The following COL4A3 variants were observed in gnomAD, a reference collection of about 807,000 sequenced individuals.
The protein encoded by COL4A3 is collagen type IV alpha 3 chain.
A neutral mutation model predicts 217.4 loss-of-function variants in COL4A3; 135 were observed. The observed-to-expected ratio is 0.62, with a 90% CI of 0.54 to 0.72. COL4A3 has a LOEUF of 0.72. COL4A3 is among the 30% of genes least tolerant of loss of function. The pLI, the probability that COL4A3 is intolerant of heterozygous loss-of-function variation, is 0.00. For synonymous variants in COL4A3, 690 were observed against 736.3 expected (o/e 0.94, Z 1.02); for missense variants, 1,868 against 2,119.9 (o/e 0.88, Z 2.33).
chr2:227,170,781 C>A (rs546600374), intron 1 of COL4A3, among the ~76,000 whole-genome samples: 169 of 152,210 alleles, frequency 1.1e-3, no homozygotes, highest in African/African-American at 4.0e-3. Flanking sequence ...ATGATTTTTT[C>A]TGTAGAGTTT....
Position 227,259,850 on chromosome 2 carries a change from G to A in COL4A3, c.1087G>A (p.Gly363Arg), listed in dbSNP as rs1559875465. Residue 363 changes from glycine (G) to arginine (R), a missense_variant, in exon 19 of 52, where the codon GGG (glycine) becomes AGG (arginine). Physicochemically the swap from Gly to Arg is moderately radical, Grantham distance 125. Coordinates refer to ENST00000396578, the MANE Select transcript of COL4A3 (RefSeq NM_000091.5). ...KGDEGTPGPP[G>R]PRGARGPQGP... is the part of the protein sequence containing the mutation. ...AGATGAAGGCACTCCAGGCCCACCA[G>A]GGCCCAGAGGAGCTCGTGGCCCACA... 6.2e-7 allele frequency: 1 copy of A among 1,613,730 alleles called. No homozygotes were observed. The highest frequency in any genetic ancestry group is 8.5e-7 in the Non-Finnish European group (1 of 1,179,638).
intron 3 of COL4A3, 101 bp downstream of exon 3, chr2:227,240,333 C>A: frequency 1.8e-6 from 2 of 1,130,808 alleles, no homozygotes; most frequent in Non-Finnish European, 2.6e-6. Flanking sequence ...ACATCTTAGC[C>A]AACTGCTAGG....
chr2:227,188,020 A>G (rs1403435425), intron 1 of COL4A3, among the ~76,000 whole-genome samples: 1 of 152,218 alleles, frequency 6.6e-6, no homozygotes, highest in African/African-American at 2.4e-5. Flanking sequence ...ATAACAAACA[A>G]ACAGCAGCCC....
chr2:227,296,939 C>A (rs1225000358), intron 41 of COL4A3, among the ~76,000 whole-genome samples: 1 of 152,182 alleles, frequency 6.6e-6, no homozygotes, highest in Non-Finnish European at 1.5e-5. Flanking sequence ...GATGGGAGAG[C>A]AGAGGGAGAC....
intron 1 of COL4A3, among the ~76,000 whole-genome samples, chr2:227,220,166 TTCA>T (rs2067713265): frequency 8.7e-6 from 1 of 115,040 alleles, no homozygotes; most frequent in South Asian, 3.9e-4. Context: ...GTGTGTGTGT[TTCA>T]GAGACAAAGC....
At chr2:227,280,863 C>T (rs2071913888) in intron 30 of COL4A3, 30 bp from the exon 31 acceptor site, 1 of 1,452,912 alleles carries the variant, frequency 6.9e-7, no homozygotes, top group African/African-American at 1.4e-5. Context: ...GTTCTAGCAC[C>T]TGGGTATATA....
Position 227,280,578 on chromosome 2 carries a change from G to C in COL4A3, c.2362G>C (p.Asp788His), listed in dbSNP as rs2071892075. ...TGGAACTCCAGGAAATGAAGGGCTT[G>C]ATGGACCACGAGGTACAATAGCAAG... ...LPGTPGNEGL[D>H]GPRGDPGQPG... Residue 788 changes from aspartate to histidine, a missense_variant, in exon 30 of 52, where the codon GAT becomes CAT. Physicochemically the swap from Asp to His is moderately conservative, Grantham distance 81. Transcript: ENST00000396578. 6.2e-7 allele frequency: 1 copy of C among 1,614,078 alleles called. No individual in the cohort carries two copies. Among genetic ancestry groups the C allele is most frequent in the Non-Finnish European group, 8.5e-7 (1 of 1,179,978 alleles).
intron 1 of COL4A3, among the ~76,000 whole-genome samples, chr2:227,184,723 CAA>C (rs2065961249): frequency 6.6e-6 from 1 of 151,958 alleles, no homozygotes; most frequent in African/African-American, 2.4e-5. Context: ...TAAAACATAA[CAA>C]AATTTGATTA....
At chr2:227,307,162 GA>G (rs201808831) in intron 47 of COL4A3, among the ~76,000 whole-genome samples, 27 of 149,128 alleles carry the variant, frequency 1.8e-4, no homozygotes, top group African/African-American at 5.9e-4. Context: ...TTATTACAGT[GA>G]AAAAAAAAGC....
intron 1 of COL4A3, among the ~76,000 whole-genome samples, chr2:227,168,982 T>C: frequency 6.6e-6 from 1 of 151,558 alleles, no homozygotes; most frequent in African/African-American, 2.4e-5. Context: ...GCTGGTGTGC[T>C]GCACCCATTA....
rs148002876 is a variant in COL4A3, at chr2:227,304,151, G to A, written c.4153+7G>A. 16 of 1,613,782 alleles carry A rather than the reference G, an allele frequency of 9.9e-6. No individual in the cohort carries two copies. The East Asian group carries it at 3.6e-4, about 36-fold the overall frequency. ...GGGCCACCTGGAAACCTAGGTGTGGGACTGGCAGCATTGACTTGGATCACT... is the reference window on the plus strand; with the variant it reads ...GGGCCACCTGGAAACCTAGGTGTGGAACTGGCAGCATTGACTTGGATCACT... On this transcript the variant is annotated splice_region_variant and intron_variant, in intron 46 of 51. Coordinates refer to ENST00000396578, the MANE Select transcript of COL4A3 (RefSeq NM_000091.5).
At chr2:227,289,847 T>C (rs947210975) in intron 35 of COL4A3, 152 bp from the exon 36 acceptor site, 16 of 720,928 alleles carry the variant, frequency 2.2e-5, no homozygotes, top group Admixed American at 4.2e-5. Context: ...TAGTTCCCTC[T>C]TATTTGAAGG....
chr2:227,283,919 C>A, intron 33 of COL4A3, 63 bp downstream of exon 33: 1 of 1,423,682 alleles, frequency 7.0e-7, no homozygotes, highest in Non-Finnish European at 9.9e-7. Context: ...TATTTTGCAG[C>A]AAAAAAAGTT....
At chr2:227,261,381 G>T (rs1201097646) in intron 20 of COL4A3, among the ~76,000 whole-genome samples, 2 of 152,172 alleles carry the variant, frequency 1.3e-5, no homozygotes, top group East Asian at 3.9e-4. Flanking sequence ...AAAAAAATTA[G>T]CTGGGCGTGG....
chr2:227,272,667 T>A (rs1190137067), intron 25 of COL4A3, among the ~76,000 whole-genome samples: 3 of 152,210 alleles, frequency 2.0e-5, no homozygotes, highest in Non-Finnish European at 4.4e-5. Context: ...TTGAACATAG[T>A]TTTAGTGGCT....
intron 1 of COL4A3, 25 bp from the exon 2 acceptor site, chr2:227,237,943 A>T (rs757326141): frequency 7.4e-5 from 117 of 1,583,772 alleles, no homozygotes; most frequent in Non-Finnish European, 9.6e-5. Flanking sequence ...TCTAAACAAA[A>T]CCCTTTCTCT....
Position 227,297,699 on chromosome 2 carries a change from A to G in COL4A3, c.3591A>G (p.Pro1197=), listed in dbSNP as rs753945261. 6.2e-7 allele frequency: 1 copy of G among 1,609,048 alleles called. No individual in the cohort carries two copies. The highest frequency in any genetic ancestry group is 1.7e-4 in the Middle Eastern group (1 of 5,978). ...GAGCCAAAGGAGACAGGGGAGCCCC[A>G]GGTTTTCCTGGCCTCCCGGGCAGAA... ...AQGAKGDRGA[P]GFPGLPGRKG... Residue 1197 remains proline (P), a synonymous_variant, in exon 42 of 52, where the codon CCA becomes CCG. Transcript: ENST00000396578.
chr2:227,302,206 C>T (rs551791713), intron 43 of COL4A3, among the ~76,000 whole-genome samples: 34 of 152,238 alleles, frequency 2.2e-4, no homozygotes, highest in African/African-American at 7.9e-4. Flanking sequence ...GTCAAATATG[C>T]CTGTCAAATA....
intron 40 of COL4A3, 37 bp from the exon 41 acceptor site, chr2:227,295,232 T>A (rs1559911720): frequency 6.2e-7 from 1 of 1,605,762 alleles, no homozygotes; most frequent in Non-Finnish European, 8.5e-7. Flanking sequence ...GTAATGAAAT[T>A]GACCAATTAT....
Sources: allele counts gnomAD v4.1 joint callset (sites outside exome capture counted in the v4.1 genomes callset), GRCh38; gene constraint gnomAD v4.1.1; transcripts MANE v1.5; gene names NCBI Gene and HGNC (gene_info 2026-07-23, HGNC 2026-07-21).